THAP4: variants seen among roughly 807,000 people sequenced by gnomAD.
THAP4 encodes THAP domain containing 4.
Under a neutral mutation model 48.1 loss-of-function variants are expected in THAP4, and 18 were observed. The ratio of observed to expected loss-of-function variants is 0.37; its 90% confidence interval spans 0.26 to 0.56. The LOEUF (loss-of-function observed/expected upper bound fraction) is 0.56. THAP4 is among the 20% of genes least tolerant of loss of function. The pLI is 0.78. For synonymous variants in THAP4, 345 were observed against 324.9 expected (o/e 1.06, Z -0.66); for missense variants, 656 against 774.9 (o/e 0.85, Z 1.82).
Position 241,601,793 on chromosome 2 carries a change from A to C in THAP4, c.1614+103T>G, listed in dbSNP as rs1430645108. 1.3e-6 allele frequency: 2 copies of C among 1,554,994 alleles called. No homozygotes were observed. The highest frequency in any genetic ancestry group is 2.4e-5 in the South Asian group (2 of 85,022). ...GACAGTGAAGACAGGCCTGTGAGAC[A>C]CAGTGGCAAGACACGCACTACCTCA... is the stretch of plus-strand genomic sequence containing the variant. On this transcript the variant is annotated intron_variant, in intron 5 of 5. Transcript: ENST00000407315. This position sits in a 1 kb window ranked among gnomAD's most constrained non-coding sequence, Gnocchi z 4.0.
chr2:241,595,170 G>A (rs112803823), intron 5 of THAP4, among the ~76,000 whole-genome samples: 2 of 151,902 alleles, frequency 1.3e-5, no homozygotes, highest in African/African-American at 4.8e-5. Flanking sequence ...CTGTCACCAC[G>A]CCTGGCTAAT....
rs577439692 is a variant in THAP4 at position 241,607,771 on chromosome 2, G to T, written c.1241-1298C>A. The stretch of plus-strand genomic sequence containing the variant: ...TCCAGGCCCGCGCAAGCAGAAGACG[G>T]ACTGACGGGGACAGGATCGGACTGA... On this transcript the variant is annotated intron_variant, in intron 2 of 5. Transcript: ENST00000407315. 2.4e-4 allele frequency among the ~76,000 whole-genome samples: 30 copies of T among 124,276 alleles called. No homozygotes were observed. In the South Asian group the frequency reaches 7.6e-3, roughly 31 times the overall value. 81.5% of individuals were successfully genotyped at this position (124,276 alleles called of 152,430 possible). A position where few individuals can be genotyped will look rare whatever the true frequency, so the allele number is the denominator to read the frequency against.
chr2:241,596,638 C>G (rs1208462929), intron 5 of THAP4, among the ~76,000 whole-genome samples: 1 of 150,214 alleles, frequency 6.7e-6, no homozygotes, highest in African/African-American at 2.5e-5. Context: ...AACCCCAACT[C>G]TACTAAAAAT....
chr2:241,585,935 A>AAAAAAAAAAAAAAAAAG (rs1553553075), intron 5 of THAP4, among the ~76,000 whole-genome samples: 9 of 146,986 alleles, frequency 6.1e-5, no homozygotes, highest in Non-Finnish European at 1.3e-4. Context: ...AAAAAGAAAA[A>AAAAAAAAAAAAAAAAAG]AAAAAGAAAA....
intron 5 of THAP4, chr2:241,591,960 C>T (rs1282319195): frequency 6.6e-6 from 1 of 152,232 alleles, no homozygotes; most frequent in Non-Finnish European, 1.5e-5. Flanking sequence ...CTATTTGCAA[C>T]ACATTTAGCT....
rs112839271 is a variant in THAP4, at chr2:241,633,923, G to A, written c.234C>T (p.Pro78=). The stretch of plus-strand genomic sequence containing the variant: ...GGTGGAAGATGGATGGCACGGCCGT[G>A]GGCTTCAGCAGGCGATGCTGGTCCT... ...RLEDQHRLLK[P]TAVPSIFHLT... The change falls in exon 2 of 6, where the codon CCC becomes CCT. Residue 78 remains proline, a synonymous_variant. Coordinates refer to ENST00000407315, the MANE Select transcript of THAP4 (RefSeq NM_015963.6). The surrounding 1 kb of genome is among the most constrained non-coding windows in gnomAD (Gnocchi z 7.5). 7,715 of 1,614,144 alleles carry A rather than the reference G, an allele frequency of 4.8e-3. 25 individuals are homozygous for A. The highest frequency in any genetic ancestry group is 6.1e-3 in the Non-Finnish European group (7,159 of 1,180,018).
chr2:241,617,580 T>C, intron 2 of THAP4: 1 of 972,980 alleles, frequency 1.0e-6, no homozygotes, highest in Non-Finnish European at 1.5e-6. Context: ...AAAGATCACG[T>C]CTCAGAAGAA....
At chr2:241,613,092 A>G (rs965887715) in intron 2 of THAP4, among the ~76,000 whole-genome samples, 4 of 152,160 alleles carry the variant, frequency 2.6e-5, no homozygotes, top group Non-Finnish European at 4.4e-5. Flanking sequence ...ATTAAACTAC[A>G]TAAGAGACTC....
chr2:241,589,695 G>GAA (rs11397853), intron 5 of THAP4, among the ~76,000 whole-genome samples: 3 of 151,362 alleles, frequency 2.0e-5, no homozygotes, highest in African/African-American at 2.4e-5. Context: ...CACCCAAGAG[G>GAA]AAAAAAAACA....
chr2:241,596,850 A>C (rs957502105), intron 5 of THAP4, among the ~76,000 whole-genome samples: 3 of 152,150 alleles, frequency 2.0e-5, no homozygotes, highest in Admixed American at 2.0e-4. Flanking sequence ...TGGGGCAGGC[A>C]CCATGAGTGG....
chr2:241,630,472 A>G (rs1254206730), intron 2 of THAP4, among the ~76,000 whole-genome samples: 1 of 152,230 alleles, frequency 6.6e-6, no homozygotes, highest in Non-Finnish European at 1.5e-5. Flanking sequence ...AGGAACAGAG[A>G]GAAGCTGTCT....
chr2:241,615,252 G>T (rs1231546632), intron 2 of THAP4, among the ~76,000 whole-genome samples: 1 of 152,120 alleles, frequency 6.6e-6, no homozygotes, highest in Non-Finnish European at 1.5e-5. Flanking sequence ...ACGTGGGTGT[G>T]GCTGCACAAG....
chr2:241,630,832 T>C (rs1280503344), intron 2 of THAP4, among the ~76,000 whole-genome samples: 16 of 150,782 alleles, frequency 1.1e-4, no homozygotes, highest in Admixed American at 9.9e-4. Flanking sequence ...GGCTCACAAC[T>C]GTAGCCAACA....
At chr2:241,594,124 G>A (rs2125070335) in intron 5 of THAP4, among the ~76,000 whole-genome samples, 1 of 152,320 alleles carries the variant, frequency 6.6e-6, no homozygotes, top group South Asian at 2.1e-4. Context: ...CTCCAAGTTG[G>A]ATACACTCTG....
intron 2 of THAP4, among the ~76,000 whole-genome samples, chr2:241,617,815 C>A (rs1329859752): frequency 6.6e-6 from 1 of 152,124 alleles, no homozygotes; most frequent in East Asian, 1.9e-4. Flanking sequence ...TCTGGCCACC[C>A]CTGGCATGTC....
intron 4 of THAP4, among the ~76,000 whole-genome samples, chr2:241,602,415 A>G (rs1419861934): frequency 6.8e-6 from 1 of 147,686 alleles, no homozygotes; most frequent in South Asian, 2.1e-4. Flanking sequence ...CCCAGGCTGG[A>G]GTGCAGTGGC....
intron 5 of THAP4, among the ~76,000 whole-genome samples, chr2:241,594,383 A>G (rs1423025660): frequency 6.6e-6 from 1 of 152,178 alleles, no homozygotes; most frequent in East Asian, 1.9e-4. Context: ...CAGGAGTTCG[A>G]GACCAGCCTG....
At chr2:241,632,812 G>C (rs2067582632) in intron 2 of THAP4, 105 bp downstream of exon 2, 2 of 849,394 alleles carry the variant, frequency 2.4e-6, no homozygotes, top group Admixed American at 6.0e-5. Flanking sequence ...AGAGCGCAGG[G>C]AGCTTGTGAC....
intron 2 of THAP4, among the ~76,000 whole-genome samples, chr2:241,630,763 G>C (rs2067546955): frequency 7.1e-6 from 1 of 140,476 alleles, no homozygotes; most frequent in South Asian, 2.3e-4. Flanking sequence ...TGGGCAACAA[G>C]AGCAAAACTC....
Sources: allele counts gnomAD v4.1 joint callset (sites outside exome capture counted in the v4.1 genomes callset), GRCh38; gene constraint gnomAD v4.1.1; non-coding constraint Gnocchi (gnomAD v3.1); transcripts MANE v1.5; gene names NCBI Gene and HGNC (gene_info 2026-07-23, HGNC 2026-07-21).